Variants in ANKIB1 observed in about 807,000 individuals in gnomAD.
The protein encoded by ANKIB1 is ankyrin repeat and IBR domain containing 1, also known as ankyrin repeat and IBR domain-containing protein 1.
A neutral mutation model predicts 122.1 loss-of-function variants in ANKIB1; 43 were observed. The ratio of observed to expected loss-of-function variants is 0.35; its 90% CI spans 0.28 to 0.45. The LOEUF (loss-of-function observed/expected upper bound fraction) is 0.45, where lower values mean the gene tolerates loss of function less well. Among genes scored for constraint, ANKIB1 ranks in the 20% least tolerant of loss-of-function variants. The probability of loss-of-function intolerance (pLI) is 1.00; values close to 1 mark genes in which losing one functional copy is unlikely to be tolerated. For synonymous variants in ANKIB1, 390 were observed against 442.0 expected (o/e 0.88, Z 1.48); for missense variants, 992 against 1,329.5 (o/e 0.75, Z 3.95).
At chr7:92,328,017 C>G (rs1396781415) in intron 5 of ANKIB1, 117 bp downstream of exon 5, 2 of 667,434 alleles carry the variant, frequency 3.0e-6, no homozygotes, top group Non-Finnish European at 5.0e-6. Context: ...TTAAAAAAGC[C>G]TAAGTTGTGT....
intron 2 of ANKIB1, among the ~76,000 whole-genome samples, chr7:92,302,974 A>T (rs1236519392): frequency 1.3e-5 from 2 of 152,208 alleles, no homozygotes; most frequent in Non-Finnish European, 2.9e-5. Flanking sequence ...TGAAGGTTTA[A>T]GTATATTTGA....
At chr7:92,269,475 A>G (rs1377259384) in intron 1 of ANKIB1, among the ~76,000 whole-genome samples, 1 of 152,248 alleles carries the variant, frequency 6.6e-6, no homozygotes, top group Non-Finnish European at 1.5e-5. Flanking sequence ...TTTCATTCAC[A>G]TACTGATTAC....
intron 10 of ANKIB1, among the ~76,000 whole-genome samples, chr7:92,363,861 G>A (rs1042537083): frequency 2.0e-5 from 3 of 152,186 alleles, no homozygotes; most frequent in Non-Finnish European, 4.4e-5. Context: ...AAACCAAAAT[G>A]CCACTTATTA....
chr7:92,248,951 G>A (rs1451485000), intron 1 of ANKIB1, among the ~76,000 whole-genome samples: 1 of 137,082 alleles, frequency 7.3e-6, no homozygotes, highest in African/African-American at 2.8e-5. Flanking sequence ...GCAGTGGTGT[G>A]ATCTTAGCTC....
At chr7:92,271,812 T>C (rs1400810775) in intron 1 of ANKIB1, among the ~76,000 whole-genome samples, 1 of 152,084 alleles carries the variant, frequency 6.6e-6, no homozygotes, top group African/African-American at 2.4e-5. Context: ...GATTGGAAAG[T>C]TAAAGGATCT....
chr7:92,320,642 C>T (rs1488976236), intron 4 of ANKIB1, among the ~76,000 whole-genome samples: 2 of 152,160 alleles, frequency 1.3e-5, no homozygotes, highest in Non-Finnish European at 2.9e-5. Flanking sequence ...TCCAAAAATA[C>T]AACCTAAATT....
chr7:92,276,677 C>T (rs1277310494), intron 1 of ANKIB1, among the ~76,000 whole-genome samples: 1 of 152,226 alleles, frequency 6.6e-6, no homozygotes, highest in African/African-American at 2.4e-5. Context: ...GTGGCTTCCG[C>T]CTTCAGTTTC....
chr7:92,385,741 G>C (rs1804626051), intron 11 of ANKIB1, among the ~76,000 whole-genome samples: 1 of 152,158 alleles, frequency 6.6e-6, no homozygotes, highest in South Asian at 2.1e-4. Context: ...TGGTGTGGGA[G>C]GATGGGGGAA....
At chr7:92,312,176 C>T (rs1018405536) in intron 3 of ANKIB1, among the ~76,000 whole-genome samples, 5 of 152,086 alleles carry the variant, frequency 3.3e-5, no homozygotes, top group African/African-American at 1.2e-4. Flanking sequence ...CTTTCTAACA[C>T]CAAGTGCTTT....
chr7:92,318,451 G>A (rs1216142043), intron 3 of ANKIB1, among the ~76,000 whole-genome samples: 1 of 152,122 alleles, frequency 6.6e-6, no homozygotes, highest in Admixed American at 6.6e-5. Context: ...AGGTTGCAGT[G>A]AACCAGAATC....
intron 1 of ANKIB1, among the ~76,000 whole-genome samples, chr7:92,249,195 T>A (rs984693465): frequency 6.6e-6 from 1 of 152,178 alleles, no homozygotes; most frequent in Non-Finnish European, 1.5e-5. Context: ...GCCTTCCAGA[T>A]ACTTTCATGT....
chr7:92,254,445 A>G (rs1801395645), intron 1 of ANKIB1, among the ~76,000 whole-genome samples: 1 of 152,144 alleles, frequency 6.6e-6, no homozygotes, highest in Admixed American at 6.5e-5. Context: ...CACAATTCTA[A>G]TTGTCACCAT....
intron 3 of ANKIB1, among the ~76,000 whole-genome samples, chr7:92,309,942 A>AAAAATATATATATATAT (rs1335765681): frequency 1.1e-5 from 1 of 91,818 alleles, no homozygotes; most frequent in African/African-American, 4.8e-5. Flanking sequence ...AAAAAAAAAA[A>AAAAATATATATATATAT]ATATATATAT....
At chr7:92,309,942 A>AAAAAAAATATAT (rs1335765681) in intron 3 of ANKIB1, among the ~76,000 whole-genome samples, 1 of 91,790 alleles carries the variant, frequency 1.1e-5, no homozygotes, top group African/African-American at 4.8e-5. Flanking sequence ...AAAAAAAAAA[A>AAAAAAAATATAT]ATATATATAT....
At chr7:92,325,260 C>T (rs1035319580) in intron 4 of ANKIB1, among the ~76,000 whole-genome samples, 2 of 152,134 alleles carry the variant, frequency 1.3e-5, no homozygotes, top group East Asian at 3.8e-4. Context: ...AAAGGCTCAA[C>T]GTTCTTTTTC....
intron 8 of ANKIB1, among the ~76,000 whole-genome samples, chr7:92,352,000 C>A (rs570492224): frequency 6.6e-6 from 1 of 151,948 alleles, no homozygotes; most frequent in African/African-American, 2.4e-5. Flanking sequence ...GGATTACAGG[C>A]GTGAGCCACT....
chr7:92,319,721 A>G, intron 4 of ANKIB1: 1 of 515,588 alleles, frequency 1.9e-6, no homozygotes, highest in Non-Finnish European at 3.3e-6. Context: ...TGGGAGGCCA[A>G]GGCACCGGAG....
chr7:92,300,566 T>C (rs1802438985), intron 2 of ANKIB1, among the ~76,000 whole-genome samples: 1 of 152,096 alleles, frequency 6.6e-6, no homozygotes, highest in South Asian at 2.1e-4. Context: ...CAGGTTTATT[T>C]AGGTATAGTT....
intron 5 of ANKIB1, among the ~76,000 whole-genome samples, chr7:92,342,586 T>C (rs996654387): frequency 3.3e-5 from 5 of 152,216 alleles, no homozygotes; most frequent in Non-Finnish European, 7.3e-5. Flanking sequence ...GGACCTGTAA[T>C]TGGCATTTTG....
Sources: gnomAD v4.1 joint callset for allele counts (sites outside exome capture counted in the v4.1 genomes callset) on GRCh38, gnomAD v4.1.1 for gene constraint, MANE v1.5 for transcripts, NCBI Gene and HGNC (gene_info 2026-07-23, HGNC 2026-07-21) for gene names.